Variants in PAPOLA observed in about 807,000 individuals in gnomAD.
PAPOLA encodes poly(A) polymerase alpha, also known as polynucleotide adenylyltransferase alpha.
PAPOLA carries 15 observed loss-of-function variants against 100.6 expected under a neutral mutation model. The ratio of observed to expected loss-of-function variants is 0.15; its 90% CI spans 0.10 to 0.23. The LOEUF is 0.23. Among genes scored for constraint, PAPOLA ranks in the 10% least tolerant of loss-of-function variants. The pLI is 1.00. For missense variants in PAPOLA, 533 were observed against 884.2 expected, an observed-to-expected ratio of 0.60 and a Z score of 5.04; for synonymous variants, 293 against 300.0, an observed-to-expected ratio of 0.98 and a Z score of 0.24.
At chr14:96,545,307 A>AT (rs796238887) in intron 15 of PAPOLA, among the ~76,000 whole-genome samples, 3 of 152,238 alleles carry the variant, frequency 2.0e-5, no homozygotes, top group African/African-American at 7.2e-5. Flanking sequence ...CAGTGCTCAG[A>AT]TACAGTGACA....
At chr14:96,535,659 CA>C (rs1351934788) in intron 10 of PAPOLA, 3 of 932,394 alleles carry the variant, frequency 3.2e-6, no homozygotes, top group East Asian at 4.0e-5. Context: ...GTAAGGTTGC[CA>C]AAATCCAAAT....
intron 16 of PAPOLA, among the ~76,000 whole-genome samples, chr14:96,548,663 TC>T (rs1900587485): frequency 6.6e-6 from 1 of 152,200 alleles, no homozygotes; most frequent in South Asian, 2.1e-4. Flanking sequence ...TATGTATGTA[TC>T]ACTTGATACT....
In PAPOLA at chr14:96,555,959, G is replaced by A; in HGVS notation, c.1765+12G>A. 2.0e-6 allele frequency: 3 copies of A among 1,520,046 alleles called. No individual in the cohort carries two copies. The highest frequency in any genetic ancestry group is 2.2e-5 in the East Asian group (1 of 44,454). 94.2% of individuals were successfully genotyped at this position (1,520,046 alleles called of 1,614,324 possible). A position where few individuals can be genotyped will look rare whatever the true frequency, so the allele number is the denominator to read the frequency against. ...TGAAAGCTCAGGGGGTAAGGAGATTGGGTTTGTCAGGTTTGAGAATTCTTA... is the reference window on the plus strand; with the variant it reads ...TGAAAGCTCAGGGGGTAAGGAGATTAGGTTTGTCAGGTTTGAGAATTCTTA... On this transcript the variant is annotated intron_variant, in intron 18 of 21. Coordinates refer to ENST00000216277, the MANE Select transcript of PAPOLA (RefSeq NM_032632.5).
intron 12 of PAPOLA, among the ~76,000 whole-genome samples, chr14:96,541,021 C>T (rs1041374497): frequency 6.6e-6 from 1 of 152,186 alleles, no homozygotes; most frequent in Non-Finnish European, 1.5e-5. Flanking sequence ...TCCTGAATAG[C>T]TGGGACTATA....
chr14:96,503,957 T>C (rs955294574), intron 1 of PAPOLA, among the ~76,000 whole-genome samples: 1 of 152,218 alleles, frequency 6.6e-6, no homozygotes, highest in African/African-American at 2.4e-5. Flanking sequence ...ATCACATTAC[T>C]TCTGTGATGA....
chr14:96,556,331 A>G lies in PAPOLA; in HGVS notation c.1922A>G (p.Lys641Arg). ...GCAACTTCAGGAAATGCAGCAACAAAAATACCTACTCCTATAGTAGGAGTC... is the reference window on the plus strand; with the variant it reads ...GCAACTTCAGGAAATGCAGCAACAAGAATACCTACTCCTATAGTAGGAGTC... ...NAATSGNAATKIPTPIVGVKR... is the reference protein window; with the variant it reads ...NAATSGNAATRIPTPIVGVKR... The change falls in exon 19 of 22, where the codon AAA (lysine) becomes AGA (arginine). Residue 641 changes from lysine to arginine, a missense_variant. This residue lies in a region of PAPOLA where 242 missense variants were observed against 281.0 expected (regional missense o/e 0.86). Transcript: ENST00000216277. The G allele has an allele frequency of 2.5e-6, 4 of 1,614,134 alleles. No homozygotes were observed. Among genetic ancestry groups the G allele is most frequent in the Non-Finnish European group, 3.4e-6 (4 of 1,180,012 alleles).
At position 96,556,212 on chromosome 14, in the gene PAPOLA, A is replaced by G; in HGVS notation, c.1803A>G (p.Gln601=). The G allele has an allele frequency of 6.2e-7, 1 of 1,614,124 alleles. No individual in the cohort carries two copies. The highest frequency in any genetic ancestry group is 8.5e-7 in the Non-Finnish European group (1 of 1,180,022). Reference sequence around the variant, plus strand: ...AAAGCATTCCTCAAACTGCCACACAACCAGCCATTTCTCCACCACCAAAGC... The same window carrying G: ...AAAGCATTCCTCAAACTGCCACACAGCCAGCCATTTCTCCACCACCAAAGC... The part of the protein sequence containing the change: ...SSESIPQTAT[Q]PAISPPPKPT... Residue 601 remains glutamine, a synonymous_variant, in exon 19 of 22, where the codon CAA becomes CAG. Transcript: ENST00000216277.
At position 96,522,488 on chromosome 14, in the gene PAPOLA, G is replaced by C. The variant is rs545088494; in HGVS notation, c.249+1416G>C. Among the ~76,000 whole-genome samples, 7 of 151,704 alleles carry C rather than the reference G, an allele frequency of 4.6e-5. No individual in the cohort carries two copies. The East Asian group carries it at 1.4e-3, about 29-fold the overall frequency. ...TGCAGTGGCATGATCTTAGCTAACT[G>C]TATCCTCCACCTCCCGGGCTCAGGC... On this transcript the variant is annotated intron_variant, in intron 3 of 21. Coordinates refer to ENST00000216277, the MANE Select transcript of PAPOLA (RefSeq NM_032632.5).
At chr14:96,552,459 A>G (rs1411257033) in intron 16 of PAPOLA, 21 bp from the exon 17 acceptor site, 18 of 1,598,954 alleles carry the variant, frequency 1.1e-5, no homozygotes, top group Non-Finnish European at 1.5e-5. Context: ...TATATTTGAT[A>G]AAATGTTTTA....
intron 17 of PAPOLA, among the ~76,000 whole-genome samples, chr14:96,554,863 TTTC>T (rs1311556651): frequency 6.6e-6 from 1 of 152,152 alleles, no homozygotes; most frequent in African/African-American, 2.4e-5. Flanking sequence ...TAAGGAATAA[TTTC>T]TTTGTATAGG....
rs545093490 is a variant in PAPOLA, at chr14:96,565,598, G to A, written c.*548G>A. 2.5e-6 allele frequency: 1 copy of A among 395,446 alleles called. No individual in the cohort carries two copies. The highest frequency in any genetic ancestry group is 3.6e-5 in the East Asian group (1 of 27,982). The allele number at this position is 395,446 out of a possible 1,614,324, so 24.5% of individuals were successfully genotyped here. ...GTACATCTAGTTCAGTTCCTATGAG[G>A]TAGCTGTAACCCTTAAAAATGAAAC... On this transcript the variant is annotated 3_prime_UTR_variant, in exon 22 of 22. Transcript: ENST00000216277.
Position 96,534,194 on chromosome 14 carries a change from C to A in PAPOLA, c.837-297C>A, listed in dbSNP as rs990372081. The A allele has an allele frequency of 2.6e-6, 3 of 1,166,106 alleles. No individual in the cohort carries two copies. The East Asian group carries it at 1.4e-4, about 53-fold the overall frequency. The allele number at this position is 1,166,106 out of a possible 1,614,324, so 72.2% of individuals were successfully genotyped here. ...TTATTCTGTTCAAGGTTGAAGTGGA[C>A]ACATCATTATCTTGGGATGGTACTT... On this transcript the variant is annotated intron_variant, in intron 9 of 21. Coordinates refer to ENST00000216277, the MANE Select transcript of PAPOLA (RefSeq NM_032632.5).
intron 1 of PAPOLA, chr14:96,504,457 C>G (rs369605462): frequency 6.6e-6 from 1 of 152,230 alleles, no homozygotes; most frequent in African/African-American, 2.4e-5. Context: ...AATCCCAGCA[C>G]TTTGGGAGGC....
intron 6 of PAPOLA, among the ~76,000 whole-genome samples, chr14:96,529,215 G>A (rs1898772377): frequency 6.6e-6 from 1 of 151,968 alleles, no homozygotes; most frequent in African/African-American, 2.4e-5. Flanking sequence ...AAATGTGTCA[G>A]TATTATTACT....
intron 1 of PAPOLA, among the ~76,000 whole-genome samples, chr14:96,516,639 C>T (rs760353639): frequency 1.3e-5 from 2 of 152,094 alleles, no homozygotes; most frequent in Non-Finnish European, 2.9e-5. Flanking sequence ...GTGCCTGGCT[C>T]ATATATATTC....
At chr14:96,515,398 G>T (rs182493233) in intron 1 of PAPOLA, among the ~76,000 whole-genome samples, 160 of 152,204 alleles carry the variant, frequency 1.1e-3, no homozygotes, top group African/African-American at 3.6e-3. Context: ...ATGTATTTAT[G>T]TGTAACTCTG....
chr14:96,552,044 T>C (rs528005511), intron 16 of PAPOLA, among the ~76,000 whole-genome samples: 16 of 152,184 alleles, frequency 1.1e-4, no homozygotes, highest in Non-Finnish European at 2.4e-4. Context: ...TGTAGGATAA[T>C]TAGAAATCTA....
chr14:96,518,854 C>T (rs1309236924), intron 1 of PAPOLA, among the ~76,000 whole-genome samples: 2 of 151,668 alleles, frequency 1.3e-5, no homozygotes, highest in Admixed American at 6.6e-5. Context: ...CTCAGGAGTT[C>T]GAGAGCAGCC....
chr14:96,536,823 ATAAG>A, intron 11 of PAPOLA, 149 bp from the exon 12 acceptor site: 5 of 565,924 alleles, frequency 8.8e-6, no homozygotes, highest in Non-Finnish European at 1.6e-5. Context: ...GTGTATATAT[ATAAG>A]AGTATGCTCT....
Sources: allele counts gnomAD v4.1 joint callset (sites outside exome capture counted in the v4.1 genomes callset), GRCh38; gene constraint gnomAD v4.1.1; regional missense constraint gnomAD v4.1.1; transcripts MANE v1.5; gene names NCBI Gene and HGNC (gene_info 2026-07-23, HGNC 2026-07-21).